Variants in ZKSCAN1 observed in about 807,000 individuals in gnomAD.
ZKSCAN1 encodes zinc finger with KRAB and SCAN domains 1.
ZKSCAN1 carries 14 observed loss-of-function variants against 51.6 expected under a neutral mutation model. The observed-to-expected ratio is 0.27, with a 90% CI of 0.18 to 0.42. The LOEUF is 0.42. Among genes scored for constraint, ZKSCAN1 ranks in the 10% least tolerant of loss-of-function variants. The pLI is 1.00. For synonymous variants in ZKSCAN1, 263 were observed against 261.5 expected (o/e 1.01, Z -0.06); for missense variants, 531 against 710.0 (o/e 0.75, Z 2.86).
chr7:100,045,286 G>A (rs1050023690), downstream of ZKSCAN1, among the ~76,000 whole-genome samples: 1 of 151,780 alleles, frequency 6.6e-6, no homozygotes, highest in Non-Finnish European at 1.5e-5. Flanking sequence ...GGTGGCTCAC[G>A]CCTGTAATCC....
At position 100,037,409 on chromosome 7, in the gene ZKSCAN1, T is replaced by C. The variant is rs951428136; in HGVS notation, c.*3212T>C. 2 of 985,426 alleles carry C rather than the reference T, an allele frequency of 2.0e-6. No homozygotes were observed. The highest frequency in any genetic ancestry group is 2.4e-6 in the Non-Finnish European group (2 of 829,928). The allele number at this position is 985,426 out of a possible 1,614,324, so 61.0% of individuals were successfully genotyped here. Reference sequence around the variant, plus strand: ...TATCGATCTATGAGACATCTTGATATGTAAAGCACTTAATATTAAAGGCAT... The same window carrying C: ...TATCGATCTATGAGACATCTTGATACGTAAAGCACTTAATATTAAAGGCAT... On this transcript the variant is annotated 3_prime_UTR_variant, in exon 6 of 6. Coordinates refer to ENST00000324306, the MANE Select transcript of ZKSCAN1 (RefSeq NM_003439.4).
chr7:100,036,476 G>A lies in ZKSCAN1; in HGVS notation c.*2279G>A. On this transcript the variant is annotated 3_prime_UTR_variant, in exon 6 of 6. Transcript: ENST00000324306. ...TCACGCCTGTAATCCCAGCACTTTG[G>A]GAGGCCGAGGTGAGCGGATCACCTG... is the stretch of plus-strand genomic sequence containing the variant. 1.0e-6 allele frequency: 1 copy of A among 982,612 alleles called. No individual in the cohort carries two copies. The highest frequency in any genetic ancestry group is 1.2e-6 in the Non-Finnish European group (1 of 827,408). 60.9% of individuals were successfully genotyped at this position (982,612 alleles called of 1,614,324 possible).
chr7:100,025,149 G>A (rs1790769227), intron 3 of ZKSCAN1, among the ~76,000 whole-genome samples: 1 of 151,730 alleles, frequency 6.6e-6, no homozygotes, highest in Admixed American at 6.6e-5. Context: ...ATTTTTAATA[G>A]GAAAGTATTG....
rs1226589793 is a variant in ZKSCAN1, at chr7:100,033,738, G to A, written c.1233G>A (p.Gly411=). ...AGCCCTATGAATGTAGTGAGTGTGG[G>A]AAAGCCTTCAGTCTTAACTCCAACC... ...GEKPYECSEC[G]KAFSLNSNLV... Residue 411 remains glycine (G), a synonymous_variant, in exon 6 of 6, where the codon GGG becomes GGA. Transcript: ENST00000324306. This position sits in a 1 kb window ranked among gnomAD's most constrained non-coding sequence, Gnocchi z 4.1. The A allele has an allele frequency of 6.2e-7, 1 of 1,614,132 alleles. No homozygotes were observed. Among genetic ancestry groups the A allele is most frequent in the South Asian group, 1.1e-5 (1 of 91,082 alleles).
intron 3 of ZKSCAN1, among the ~76,000 whole-genome samples, chr7:100,026,939 C>T (rs952161071): frequency 2.6e-5 from 4 of 151,624 alleles, no homozygotes; most frequent in Non-Finnish European, 5.9e-5. Context: ...ACTTTTTAAG[C>T]TTTTTTTGTT....
At position 100,015,602 on chromosome 7, in the gene ZKSCAN1, C is replaced by CT. The variant is rs1272134480; in HGVS notation, c.-213_-212insT. On this transcript the variant is annotated 5_prime_UTR_variant, in exon 1 of 6. Coordinates refer to ENST00000324306, the MANE Select transcript of ZKSCAN1 (RefSeq NM_003439.4). ...TGACACGCTTCCGGCCTTTGTGACT[C>CT]ATTGTGTCTGTGTCGAGGCGTCGGG... 6.6e-6 allele frequency: 1 copy of CT among 152,278 alleles called. No homozygotes were observed. Among genetic ancestry groups the CT allele is most frequent in the Non-Finnish European group, 1.5e-5 (1 of 68,086 alleles). The allele number at this position is 152,278 out of a possible 1,614,324, so 9.4% of individuals were successfully genotyped here.
Position 100,040,874 on chromosome 7 carries a change from G to C in ZKSCAN1, c.*6677G>C, listed in dbSNP as rs745605595. 12 of 985,360 alleles carry C rather than the reference G, an allele frequency of 1.2e-5. No individual in the cohort carries two copies. Among genetic ancestry groups the C allele is most frequent in the Non-Finnish European group, 1.3e-5 (11 of 829,926 alleles). The allele number at this position is 985,360 out of a possible 1,614,324, so 61.0% of individuals were successfully genotyped here. On this transcript the variant is annotated 3_prime_UTR_variant, in exon 6 of 6. Coordinates refer to ENST00000324306, the MANE Select transcript of ZKSCAN1 (RefSeq NM_003439.4). ...TAGATTAGAGATGCTTCTGCTGATC[G>C]CAGGGGTTCTTATTTGAAAACATCT...
intron 1 of ZKSCAN1, among the ~76,000 whole-genome samples, chr7:100,017,912 C>A (rs1275830433): frequency 2.0e-5 from 3 of 152,178 alleles, no homozygotes; most frequent in African/African-American, 7.2e-5. Context: ...ATCTTCTAAG[C>A]AGGCTGAAAA....
At position 100,041,498 on chromosome 7, in the gene ZKSCAN1, G is replaced by A; in HGVS notation, c.*7301G>A. 1.0e-6 allele frequency: 1 copy of A among 985,436 alleles called. No homozygotes were observed. The allele number at this position is 985,436 out of a possible 1,614,324, so 61.0% of individuals were successfully genotyped here. On this transcript the variant is annotated 3_prime_UTR_variant, in exon 6 of 6. Coordinates refer to ENST00000324306, the MANE Select transcript of ZKSCAN1 (RefSeq NM_003439.4). ...GAGGGCTAAAGTTTTAATCATAAGA[G>A]AAAAGGCAGCATAATGAAATGTGTA...
chr7:100,030,791 C>A (rs1665495739), intron 5 of ZKSCAN1, among the ~76,000 whole-genome samples: 1 of 152,152 alleles, frequency 6.6e-6, no homozygotes, highest in Non-Finnish European at 1.5e-5. Context: ...GTACCACATT[C>A]CCGAAACTAC....
chr7:100,018,406 A>ATT (rs879710253), intron 1 of ZKSCAN1, among the ~76,000 whole-genome samples: 18 of 144,362 alleles, frequency 1.2e-4, no homozygotes, highest in African/African-American at 2.0e-4. Context: ...ATCATGAGAA[A>ATT]TTTTTTTTTT....
Position 100,037,205 on chromosome 7 carries a change from A to G in ZKSCAN1, c.*3008A>G. 1 of 985,468 alleles carries G rather than the reference A, an allele frequency of 1.0e-6. No individual in the cohort carries two copies. The highest frequency in any genetic ancestry group is 1.2e-6 in the Non-Finnish European group (1 of 829,934). 61.0% of individuals were successfully genotyped at this position (985,468 alleles called of 1,614,324 possible). On this transcript the variant is annotated 3_prime_UTR_variant, in exon 6 of 6. Coordinates refer to ENST00000324306, the MANE Select transcript of ZKSCAN1 (RefSeq NM_003439.4). ...CATTCAAAAGTTCTTGGCCCGCTGA[A>G]GTCTGTTAACAGTTGAAACATTCTA...
intron 1 of ZKSCAN1, among the ~76,000 whole-genome samples, chr7:100,020,418 A>T (rs1273699342): frequency 6.6e-6 from 1 of 152,162 alleles, no homozygotes; most frequent in Non-Finnish European, 1.5e-5. Flanking sequence ...GTAGAGTTTT[A>T]GAAAGAATAA....
intron 5 of ZKSCAN1, among the ~76,000 whole-genome samples, chr7:100,030,822 T>C (rs1791075306): frequency 6.6e-6 from 1 of 152,210 alleles, no homozygotes; most frequent in South Asian, 2.1e-4. Flanking sequence ...TCTGTTGGCT[T>C]TCTGTCTTCT....
intron 4 of ZKSCAN1, 102 bp downstream of exon 4, chr7:100,030,054 AAAG>A: frequency 1.4e-6 from 2 of 1,451,990 alleles, no homozygotes; most frequent in Non-Finnish European, 1.9e-6. Context: ...CCCTGCTCTC[AAAG>A]AAGCCCCAAC....
In ZKSCAN1 at chr7:100,037,696, T is replaced by G. The variant is rs916528933; in HGVS notation, c.*3499T>G. On this transcript the variant is annotated 3_prime_UTR_variant, in exon 6 of 6. Transcript: ENST00000324306. The stretch of plus-strand genomic sequence containing the variant: ...GAATTCCGTCGGTATGTTCCAATCG[T>G]GATGAATTTGAGAAACATTGCAAGA... 5 of 985,332 alleles carry G rather than the reference T, an allele frequency of 5.1e-6. No homozygotes were observed. The highest frequency in any genetic ancestry group is 6.0e-6 in the Non-Finnish European group (5 of 829,944). The allele number at this position is 985,332 out of a possible 1,614,324, so 61.0% of individuals were successfully genotyped here. A position where few individuals can be genotyped will look rare whatever the true frequency, so the allele number is the denominator to read the frequency against.
intron 3 of ZKSCAN1, among the ~76,000 whole-genome samples, chr7:100,026,510 T>A (rs1190296527): frequency 6.6e-6 from 1 of 152,130 alleles, no homozygotes; most frequent in Non-Finnish European, 1.5e-5. Flanking sequence ...GGCGGATTAC[T>A]TGAGGCCAGG....
chr7:100,042,145 C>T (rs1188071660), downstream of ZKSCAN1, among the ~76,000 whole-genome samples: 1 of 152,030 alleles, frequency 6.6e-6, no homozygotes, highest in Non-Finnish European at 1.5e-5. Flanking sequence ...ATGGTGAAAC[C>T]CCCTCTCTAC....
In ZKSCAN1 at chr7:100,033,783, C is replaced by T; in HGVS notation, c.1278C>T (p.Ile426=). Residue 426 remains isoleucine (I), a synonymous_variant, in exon 6 of 6, where the codon ATC becomes ATT. Coordinates refer to ENST00000324306, the MANE Select transcript of ZKSCAN1 (RefSeq NM_003439.4). This position sits in a 1 kb window ranked among gnomAD's most constrained non-coding sequence, Gnocchi z 4.1. ...CCAACCTTGTCCTGCATCAGAGGAT[C>T]CACACAGGAGAGAAACCTCATGAAT... The part of the protein sequence containing the change: ...LNSNLVLHQR[I]HTGEKPHECN... The T allele has an allele frequency of 1.1e-5, 17 of 1,614,164 alleles. No individual in the cohort carries two copies. The highest frequency in any genetic ancestry group is 1.4e-5 in the Non-Finnish European group (17 of 1,180,044).
Sources: gnomAD v4.1 joint callset for allele counts (sites outside exome capture counted in the v4.1 genomes callset) on GRCh38, gnomAD v4.1.1 for gene constraint, Gnocchi (gnomAD v3.1) non-coding constraint, MANE v1.5 for transcripts, NCBI Gene and HGNC (gene_info 2026-07-23, HGNC 2026-07-21) for gene names.